Variants in CENPW observed in about 807,000 individuals in gnomAD.
CENPW encodes the protein centromere protein W, also known as cancer-up-regulated gene 2 protein.
Under a neutral mutation model 11.1 loss-of-function variants are expected in CENPW, and 3 were observed. The ratio of observed to expected loss-of-function variants is 0.27; its 90% CI spans 0.12 to 0.70. The LOEUF (loss-of-function observed/expected upper bound fraction) is 0.70. Among genes scored for constraint, CENPW ranks in the 30% least tolerant of loss-of-function variants. CENPW has a pLI of 0.77. For missense variants in CENPW, 100 were observed against 105.6 expected, an observed-to-expected ratio of 0.95 and a Z score of 0.23; for synonymous variants, 38 against 42.0, an observed-to-expected ratio of 0.91 and a Z score of 0.37.
chr6:126,346,745 G>A (rs1242192693), intron 2 of CENPW, among the ~76,000 whole-genome samples: 2 of 152,074 alleles, frequency 1.3e-5, no homozygotes, highest in African/African-American at 4.8e-5. Flanking sequence ...AGCAGCATGG[G>A]GAAAACCGCC....
chr6:126,348,824 A>G lies in CENPW; in HGVS notation c.*332A>G, dbSNP rs187226929. 4.0e-4 allele frequency: 67 copies of G among 168,948 alleles called. No individual in the cohort carries two copies. The highest frequency in any genetic ancestry group is 1.5e-3 in the African/African-American group (65 of 42,208). 10.5% of individuals were successfully genotyped at this position (168,948 alleles called of 1,614,324 possible). A position where few individuals can be genotyped will look rare whatever the true frequency, so the allele number is the denominator to read the frequency against. Reference sequence around the variant, plus strand: ...ATGTACTTCTTAGAATTAAGTTTATATATATTTAGATTTAGCCACAGTTAA... The same window carrying G: ...ATGTACTTCTTAGAATTAAGTTTATGTATATTTAGATTTAGCCACAGTTAA... On this transcript the variant is annotated 3_prime_UTR_variant, in exon 3 of 3. Coordinates refer to ENST00000368328, the MANE Select transcript of CENPW (RefSeq NM_001012507.4).
At chr6:126,427,041 T>A in the CENPW span, among the ~76,000 whole-genome samples, 1,905 of 152,272 alleles carry the variant, frequency 0.013, 15 homozygotes, top group Admixed American at 0.02. Flanking sequence ...TTCTGTACTA[T>A]CCTTTTTGCA....
At chr6:126,458,699 C>A in the CENPW span, among the ~76,000 whole-genome samples, 1 of 151,238 alleles carries the variant, frequency 6.6e-6, no homozygotes. Context: ...TTACCTATAT[C>A]ATGATAGAAA....
downstream of CENPW, among the ~76,000 whole-genome samples, chr6:126,353,115 A>G (rs908394078): frequency 2.0e-5 from 3 of 152,046 alleles, no homozygotes; most frequent in Non-Finnish European, 4.4e-5. Flanking sequence ...ACACAAATGT[A>G]TTACTAGTAT....
chr6:126,473,676 C>T, the CENPW span, among the ~76,000 whole-genome samples: 73 of 151,388 alleles, frequency 4.8e-4, no homozygotes, highest in African/African-American at 1.7e-3. Flanking sequence ...GAGGTTGCAG[C>T]GAGCCAAGGT....
At chr6:126,407,387 A>G in the CENPW span, among the ~76,000 whole-genome samples, 7 of 152,182 alleles carry the variant, frequency 4.6e-5, no homozygotes, top group African/African-American at 4.8e-5. Context: ...TAGTGCTTCA[A>G]TGAACATACA....
chr6:126,453,043 C>T, the CENPW span, among the ~76,000 whole-genome samples: 1 of 151,100 alleles, frequency 6.6e-6, no homozygotes, highest in Non-Finnish European at 1.5e-5. Context: ...TCAGCAAAAA[C>T]TTCCTTCAGA....
the CENPW span, among the ~76,000 whole-genome samples, chr6:126,447,151 A>G: frequency 6.6e-6 from 1 of 151,198 alleles, no homozygotes; most frequent in East Asian, 1.9e-4. Flanking sequence ...ACTCTTAAAA[A>G]TACAGAGGCT....
downstream of CENPW, among the ~76,000 whole-genome samples, chr6:126,352,892 C>G (rs1780507897): frequency 1.3e-5 from 2 of 151,784 alleles, no homozygotes; most frequent in Non-Finnish European, 2.9e-5. Context: ...TCATTTTATT[C>G]TTTATTACTC....
chr6:126,392,459 A>G, the CENPW span, among the ~76,000 whole-genome samples: 2 of 151,838 alleles, frequency 1.3e-5, no homozygotes, highest in African/African-American at 2.4e-5. Flanking sequence ...TATACCTTTT[A>G]TTATGTTGAG....
the CENPW span, among the ~76,000 whole-genome samples, chr6:126,475,416 A>T: frequency 8.2e-4 from 125 of 152,128 alleles, 1 homozygote; most frequent in African/African-American, 2.8e-3. Flanking sequence ...TTTAAAAAAA[A>T]TTTTTAAATA....
At chr6:126,378,934 T>C in the CENPW span, among the ~76,000 whole-genome samples, 2 of 152,216 alleles carry the variant, frequency 1.3e-5, no homozygotes, top group East Asian at 3.8e-4. Context: ...ATTTAAAGAA[T>C]TTAACCTTCT....
At chr6:126,474,854 T>C in the CENPW span, among the ~76,000 whole-genome samples, 2 of 152,124 alleles carry the variant, frequency 1.3e-5, no homozygotes, top group African/African-American at 4.8e-5. Flanking sequence ...AATAAACTAG[T>C]TTGAAATAAA....
chr6:126,429,297 T>C, the CENPW span, among the ~76,000 whole-genome samples: 6 of 152,228 alleles, frequency 3.9e-5, no homozygotes, highest in Non-Finnish European at 8.8e-5. Flanking sequence ...TTATTTTAAT[T>C]TGTGATATAG....
At chr6:126,365,258 G>A in the CENPW span, among the ~76,000 whole-genome samples, 9 of 152,240 alleles carry the variant, frequency 5.9e-5, no homozygotes, top group East Asian at 7.7e-4. Context: ...TACATGAGTT[G>A]CAATTAAACC....
the CENPW span, among the ~76,000 whole-genome samples, chr6:126,461,063 A>G: frequency 6.6e-6 from 1 of 151,864 alleles, no homozygotes; most frequent in African/African-American, 2.4e-5. Flanking sequence ...AGGATTTACT[A>G]AATTCCAGAT....
the CENPW span, among the ~76,000 whole-genome samples, chr6:126,477,428 C>G: frequency 6.6e-6 from 1 of 151,896 alleles, no homozygotes; most frequent in Non-Finnish European, 1.5e-5. Context: ...AGCTTCTGAA[C>G]TGATGACAAT....
the CENPW span, among the ~76,000 whole-genome samples, chr6:126,463,885 T>C: frequency 6.6e-6 from 1 of 152,050 alleles, no homozygotes; most frequent in African/African-American, 2.4e-5. Context: ...AGTGCCAATT[T>C]TTCATAAATG....
the CENPW span, among the ~76,000 whole-genome samples, chr6:126,458,768 AC>A: frequency 6.6e-6 from 1 of 151,428 alleles, no homozygotes; most frequent in African/African-American, 2.4e-5. Context: ...AAAGACAACT[AC>A]ATGTAGTAAT....
Sources: allele counts gnomAD v4.1 joint callset (sites outside exome capture counted in the v4.1 genomes callset), GRCh38; gene constraint gnomAD v4.1.1; transcripts MANE v1.5; gene names NCBI Gene and HGNC (gene_info 2026-07-23, HGNC 2026-07-21).